The following MAMDC2 variants were observed in gnomAD, a reference collection of about 807,000 sequenced individuals.
MAMDC2 encodes the protein MAM domain-containing protein 2.
A neutral mutation model predicts 89.8 loss-of-function variants in MAMDC2; 57 were observed. That is an observed-to-expected ratio of 0.63 (90% CI 0.51 to 0.79). The LOEUF (loss-of-function observed/expected upper bound fraction) is 0.79. MAMDC2 is among the 30% of genes least tolerant of loss of function. The probability of loss-of-function intolerance (pLI) is 0.00; values close to 1 mark genes in which losing one functional copy is unlikely to be tolerated. For synonymous variants in MAMDC2, 313 were observed against 293.4 expected (o/e 1.07, Z -0.68); for missense variants, 800 against 820.6 (o/e 0.97, Z 0.31).
Position 70,212,570 on chromosome 9 carries a change from G to A in MAMDC2, c.1652-5767G>A, listed in dbSNP as rs146503966. ...GAAAGGGAATTCTGCGACCCCTTGC[G>A]CTTTCCGGGTGAGGTGATGCCCCAC... is the stretch of plus-strand genomic sequence containing the variant. On this transcript the variant is annotated intron_variant, in intron 11 of 13. Transcript: ENST00000377182. 4.2e-3 allele frequency among the ~76,000 whole-genome samples: 640 copies of A among 152,250 alleles called. 7 individuals carry two copies. The highest frequency in any genetic ancestry group is 0.014 in the African/African-American group (593 of 41,528).
chr9:70,211,588 T>C (rs2033354807), intron 11 of MAMDC2, among the ~76,000 whole-genome samples: 1 of 151,698 alleles, frequency 6.6e-6, no homozygotes, highest in African/African-American at 2.4e-5. Flanking sequence ...CCTTTAGCTA[T>C]TAGTTATTAC....
intron 11 of MAMDC2, among the ~76,000 whole-genome samples, chr9:70,213,517 G>C (rs1448547375): frequency 6.6e-6 from 1 of 152,100 alleles, no homozygotes; most frequent in African/African-American, 2.4e-5. Context: ...TTTGTACATA[G>C]TTAGGTGATA....
chr9:70,226,574 T>C lies in MAMDC2; in HGVS notation c.*542T>C, dbSNP rs1052314110. The C allele has an allele frequency of 1.3e-5, 2 of 152,586 alleles. No homozygotes were observed. Among genetic ancestry groups the C allele is most frequent in the Non-Finnish European group, 2.9e-5 (2 of 67,986 alleles). 9.5% of individuals were successfully genotyped at this position (152,586 alleles called of 1,614,324 possible). A position where few individuals can be genotyped will look rare whatever the true frequency, so the allele number is the denominator to read the frequency against. On this transcript the variant is annotated 3_prime_UTR_variant, in exon 14 of 14. Transcript: ENST00000377182. ...ATAGAAATGGAGTATTAATTTTTAA[T>C]ATTTTCACCATATGTGATAACAAAG...
chr9:70,134,022 T>C (rs899810487), intron 7 of MAMDC2, among the ~76,000 whole-genome samples: 3 of 152,218 alleles, frequency 2.0e-5, no homozygotes, highest in African/African-American at 7.2e-5. Context: ...ACAAATAGTT[T>C]ATGCCCTTCT....
At chr9:70,164,833 C>A (rs115222264) in intron 9 of MAMDC2, among the ~76,000 whole-genome samples, 1 of 151,658 alleles carries the variant, frequency 6.6e-6, no homozygotes, top group African/African-American at 2.4e-5. Flanking sequence ...AGAGATGGAA[C>A]CTCTCTATGC....
intron 2 of MAMDC2, among the ~76,000 whole-genome samples, chr9:70,101,314 T>A (rs1257313254): frequency 6.6e-6 from 1 of 152,030 alleles, no homozygotes; most frequent in Non-Finnish European, 1.5e-5. Flanking sequence ...ATTTATAAAG[T>A]AAAAAGGTTA....
At chr9:70,086,162 T>C (rs1827766145) in intron 2 of MAMDC2, 1 of 152,112 alleles carries the variant, frequency 6.6e-6, no homozygotes, top group Admixed American at 6.6e-5. Flanking sequence ...TTTTTAAAAA[T>C]TTGAAATACT....
chr9:70,199,437 A>C (rs2033050790), intron 11 of MAMDC2, among the ~76,000 whole-genome samples: 1 of 147,168 alleles, frequency 6.8e-6, no homozygotes, highest in Non-Finnish European at 1.5e-5. Flanking sequence ...CATTTTCTTA[A>C]TCCAGTCTAT....
chr9:70,221,380 T>TATAGAGAGAGAGAGAGAGAGAGAG, intron 12 of MAMDC2, among the ~76,000 whole-genome samples: 2 of 7,044 alleles, frequency 2.8e-4, no homozygotes, highest in Non-Finnish European at 5.2e-4. Flanking sequence ...TATATATATA[T>TATAGAGAGAGAGAGAGAGAGAGAG]AGAGAGAGAG....
chr9:70,195,701 T>C (rs2032962894), intron 11 of MAMDC2, among the ~76,000 whole-genome samples: 1 of 152,058 alleles, frequency 6.6e-6, no homozygotes, highest in Non-Finnish European at 1.5e-5. Context: ...CATTATCAGA[T>C]GTTCTGGTAC....
At chr9:70,212,628 C>A (rs939950813) in intron 11 of MAMDC2, among the ~76,000 whole-genome samples, 3 of 152,166 alleles carry the variant, frequency 2.0e-5, no homozygotes, top group African/African-American at 7.2e-5. Context: ...GGGCTGCATC[C>A]GCTGTCCAAT....
chr9:70,120,892 A>G (rs2030254586), intron 5 of MAMDC2, among the ~76,000 whole-genome samples: 1 of 152,230 alleles, frequency 6.6e-6, no homozygotes. Context: ...AACATGCATC[A>G]TAACTCATTA....
intron 12 of MAMDC2, among the ~76,000 whole-genome samples, chr9:70,224,669 CCTTT>C (rs754093341): frequency 2.0e-5 from 3 of 152,174 alleles, no homozygotes; most frequent in African/African-American, 4.8e-5. Flanking sequence ...GACAGATCTT[CCTTT>C]CTCAGTCCAC....
chr9:70,117,601 T>C (rs2118297461), intron 5 of MAMDC2, among the ~76,000 whole-genome samples: 1 of 152,070 alleles, frequency 6.6e-6, no homozygotes, highest in East Asian at 1.9e-4. Context: ...GAATTTAAAG[T>C]ATAATTTTAA....
intron 9 of MAMDC2, among the ~76,000 whole-genome samples, chr9:70,163,229 CTTTTTTTTTT>C (rs66957093): frequency 8.0e-6 from 1 of 125,128 alleles, no homozygotes; most frequent in Non-Finnish European, 1.6e-5. Flanking sequence ...TTCTTTCTTT[CTTTTTTTTTT>C]TTTTTTTTAG....
intron 9 of MAMDC2, among the ~76,000 whole-genome samples, chr9:70,161,683 G>A (rs1365727838): frequency 6.6e-6 from 1 of 152,124 alleles, no homozygotes; most frequent in East Asian, 1.9e-4. Flanking sequence ...TCTCAATATT[G>A]AAATTTTTTA....
intron 5 of MAMDC2, among the ~76,000 whole-genome samples, chr9:70,120,652 T>G (rs1386723864): frequency 6.6e-6 from 1 of 152,188 alleles, no homozygotes; most frequent in African/African-American, 2.4e-5. Flanking sequence ...ACTTAACATA[T>G]TGACAGTCTA....
chr9:70,210,107 TTC>T lies in MAMDC2; in HGVS notation c.1652-8228_1652-8227del, dbSNP rs542387001. ...AATGTGGTGCTGAGAAGAATGTATATTCTGTCGATTTGGGGTGGAGAGTTCTG... is the reference window on the plus strand; with the variant it reads ...AATGTGGTGCTGAGAAGAATGTATATTGTCGATTTGGGGTGGAGAGTTCTG... On this transcript the variant is annotated intron_variant, in intron 11 of 13. Transcript: ENST00000377182. Among the ~76,000 whole-genome samples, 603 of 152,348 alleles carry T rather than the reference TTC, an allele frequency of 4.0e-3. 7 individuals carry two copies. Among genetic ancestry groups the T allele is most frequent in the African/African-American group, 0.014 (570 of 41,574 alleles).
At chr9:70,159,238 C>T (rs2031875403) in intron 9 of MAMDC2, among the ~76,000 whole-genome samples, 1 of 152,108 alleles carries the variant, frequency 6.6e-6, no homozygotes, top group Admixed American at 6.5e-5. Context: ...AACAATTCTA[C>T]ATCTAGGGAT....
Sources: allele counts gnomAD v4.1 joint callset (sites outside exome capture counted in the v4.1 genomes callset), GRCh38; gene constraint gnomAD v4.1.1; transcripts MANE v1.5; gene names NCBI Gene and HGNC (gene_info 2026-07-23, HGNC 2026-07-21).